The following GRID2 variants were observed in gnomAD, a reference collection of about 807,000 sequenced individuals.
The protein encoded by GRID2 is glutamate receptor ionotropic, delta-2.
GRID2 carries 33 observed loss-of-function variants against 114.8 expected under a neutral mutation model. The ratio of observed to expected loss-of-function variants is 0.29; its 90% CI spans 0.22 to 0.38. The LOEUF (loss-of-function observed/expected upper bound fraction) is 0.38, where lower values mean the gene tolerates loss of function less well. Ranked by LOEUF, GRID2 falls within the 10% of genes least tolerant of loss-of-function variation. The probability of loss-of-function intolerance (pLI) is 1.00; values close to 1 mark genes in which losing one functional copy is unlikely to be tolerated. For synonymous variants in GRID2, 505 were observed against 449.9 expected, an observed-to-expected ratio of 1.12 and a Z score of -1.55; for missense variants, 1,184 against 1,257.7, an observed-to-expected ratio of 0.94 and a Z score of 0.89.
chr4:92,351,662 C>T (rs1728075804), intron 1 of GRID2, among the ~76,000 whole-genome samples: 1 of 151,754 alleles, frequency 6.6e-6, no homozygotes. Context: ...CTCTTCCCTC[C>T]CATTTACTAT....
At chr4:92,971,482 T>G (rs1753514905) in intron 2 of GRID2, among the ~76,000 whole-genome samples, 1 of 152,052 alleles carries the variant, frequency 6.6e-6, no homozygotes, top group Non-Finnish European at 1.5e-5. Context: ...ATATGTGTAA[T>G]GATCAAATCA....
chr4:93,024,572 A>T (rs1393013335), intron 2 of GRID2, among the ~76,000 whole-genome samples: 1 of 151,726 alleles, frequency 6.6e-6, no homozygotes, highest in Non-Finnish European at 1.5e-5. Flanking sequence ...AAACATTGCA[A>T]AACCTCATGT....
At chr4:92,709,589 A>AAAAAAAAATATAT (rs779775767) in intron 2 of GRID2, among the ~76,000 whole-genome samples, 4 of 114,638 alleles carry the variant, frequency 3.5e-5, no homozygotes, top group East Asian at 2.9e-4. Context: ...AAAAAAAAAA[A>AAAAAAAAATATAT]ATATATATAT....
At chr4:92,853,172 G>T (rs1016053866) in intron 2 of GRID2, among the ~76,000 whole-genome samples, 11 of 151,696 alleles carry the variant, frequency 7.3e-5, no homozygotes, top group Admixed American at 2.0e-4. Flanking sequence ...TAACCTTCAG[G>T]TCCCTTATCT....
At chr4:92,689,014 C>T (rs1004215573) in intron 2 of GRID2, among the ~76,000 whole-genome samples, 1 of 152,108 alleles carries the variant, frequency 6.6e-6, no homozygotes, top group South Asian at 2.1e-4. Context: ...AAATCTTGTA[C>T]GTCTCTATAA....
At chr4:93,497,427 C>A (rs1727656241) in intron 12 of GRID2, among the ~76,000 whole-genome samples, 2 of 151,752 alleles carry the variant, frequency 1.3e-5, no homozygotes, top group South Asian at 2.1e-4. Flanking sequence ...TCATGTCTAG[C>A]ACTCTTCAAT....
intron 4 of GRID2, among the ~76,000 whole-genome samples, chr4:93,146,889 A>G (rs1039485736): frequency 6.6e-6 from 1 of 152,128 alleles, no homozygotes; most frequent in Non-Finnish European, 1.5e-5. Flanking sequence ...ACCATATGCT[A>G]GTTTCTAATC....
intron 2 of GRID2, among the ~76,000 whole-genome samples, chr4:92,919,338 G>T (rs1208987874): frequency 6.6e-6 from 1 of 151,822 alleles, no homozygotes; most frequent in Non-Finnish European, 1.5e-5. Flanking sequence ...AGGGTTTTTT[G>T]TGTCTCTATT....
chr4:92,527,152 C>T (rs75664272), intron 1 of GRID2, among the ~76,000 whole-genome samples: 3,471 of 152,048 alleles, frequency 0.023, 136 homozygotes, highest in African/African-American at 0.078. Context: ...ACCTCTTTGT[C>T]TAGTTACAGT....
intron 2 of GRID2, among the ~76,000 whole-genome samples, chr4:92,986,326 TAA>T (rs1234290366): frequency 1.3e-5 from 2 of 152,132 alleles, no homozygotes; most frequent in Non-Finnish European, 2.9e-5. Flanking sequence ...ATATTTTCAA[TAA>T]AGAGTCTATT....
chr4:93,546,605 G>T (rs1193092240), intron 13 of GRID2, among the ~76,000 whole-genome samples: 1 of 152,088 alleles, frequency 6.6e-6, no homozygotes, highest in Non-Finnish European at 1.5e-5. Context: ...TTATAAAAGT[G>T]CTCTGTGAAC....
intron 1 of GRID2, among the ~76,000 whole-genome samples, chr4:92,459,880 G>A (rs890627805): frequency 6.6e-6 from 1 of 150,608 alleles, no homozygotes; most frequent in Non-Finnish European, 1.5e-5. Context: ...GAAGAAATCT[G>A]ACCTCCATGG....
chr4:93,324,461 A>C (rs574334833), intron 8 of GRID2, among the ~76,000 whole-genome samples: 9 of 152,224 alleles, frequency 5.9e-5, no homozygotes, highest in African/African-American at 2.2e-4. Context: ...AGGATTTTCA[A>C]ATCGATGTTC....
At position 93,544,932 on chromosome 4, in the gene GRID2, C is replaced by G. The variant is rs1257118329; in HGVS notation, c.2193+29521C>G. On this transcript the variant is annotated intron_variant, in intron 13 of 15. Transcript: ENST00000282020. ...TCTAATGCTATCCCTTTAGAGGTGA[C>G]TGCCTCATTCTTAAAATGTGCTATT... is the stretch of plus-strand genomic sequence containing the variant. Among the ~76,000 whole-genome samples the G allele has an allele frequency of 2.6e-5, 4 of 152,166 alleles. No individual in the cohort carries two copies. In the South Asian group the frequency reaches 6.2e-4, roughly 24 times the overall value.
chr4:93,678,996 A>C (rs1725217855), intron 14 of GRID2, among the ~76,000 whole-genome samples: 1 of 151,384 alleles, frequency 6.6e-6, no homozygotes, highest in African/African-American at 2.4e-5. Context: ...TTGGATAAAG[A>C]GTCAAGACCC....
chr4:93,283,695 C>T (rs910183225), intron 8 of GRID2, among the ~76,000 whole-genome samples: 6 of 152,044 alleles, frequency 3.9e-5, no homozygotes, highest in African/African-American at 1.4e-4. Flanking sequence ...TTATATACTA[C>T]TTCTGACTTT....
intron 13 of GRID2, among the ~76,000 whole-genome samples, chr4:93,608,067 A>T (rs370451355): frequency 7.1e-6 from 1 of 140,432 alleles, no homozygotes; most frequent in African/African-American, 2.6e-5. Flanking sequence ...TACGTATATA[A>T]GTATATATAT....
At chr4:93,029,868 G>A (rs899410761) in intron 2 of GRID2, among the ~76,000 whole-genome samples, 2 of 152,282 alleles carry the variant, frequency 1.3e-5, no homozygotes, top group East Asian at 1.9e-4. Context: ...CTTACTGGGA[G>A]AGTGTGATAA....
chr4:92,871,416 A>G (rs115091166), intron 2 of GRID2, among the ~76,000 whole-genome samples: 2,035 of 152,184 alleles, frequency 0.013, 33 homozygotes, highest in African/African-American at 0.047. Flanking sequence ...ATTATAACTT[A>G]ACCTAGAAGG....
Sources: allele counts gnomAD v4.1 joint callset (sites outside exome capture counted in the v4.1 genomes callset), GRCh38; gene constraint gnomAD v4.1.1; transcripts MANE v1.5; gene names NCBI Gene and HGNC (gene_info 2026-07-23, HGNC 2026-07-21).